Variants in C12orf42 observed in about 807,000 individuals in gnomAD.
C12orf42 encodes uncharacterized protein C12orf42.
C12orf42 carries 25 observed loss-of-function variants against 21.6 expected under a neutral mutation model. The observed-to-expected ratio is 1.16, with a 90% confidence interval of 0.84 to 1.62. The LOEUF is 1.62. Ranked by LOEUF, C12orf42 falls within the 40% of genes most tolerant of loss-of-function variation. The pLI, the probability that C12orf42 is intolerant of heterozygous loss-of-function variation, is 0.00. For synonymous variants in C12orf42, 174 were observed against 175.0 expected (o/e 0.99, Z 0.05); for missense variants, 483 against 459.3 (o/e 1.05, Z -0.47).
At chr12:103,225,476 C>T in the C12orf42 span, among the ~76,000 whole-genome samples, 3 of 151,992 alleles carry the variant, frequency 2.0e-5, no homozygotes, top group African/African-American at 7.3e-5. Context: ...GTAAGGGATG[C>T]ATGATCGGTC....
At chr12:103,326,833 G>T (rs2040760440) in intron 4 of C12orf42, among the ~76,000 whole-genome samples, 1 of 152,084 alleles carries the variant, frequency 6.6e-6, no homozygotes, top group Non-Finnish European at 1.5e-5. Flanking sequence ...ACTTAGCACT[G>T]CCTAAAATTA....
chr12:103,288,319 G>A (rs976085298), intron 4 of C12orf42, among the ~76,000 whole-genome samples: 2 of 152,112 alleles, frequency 1.3e-5, no homozygotes, highest in Non-Finnish European at 2.9e-5. Flanking sequence ...TTTTCATAAC[G>A]AGAATTCAGT....
the C12orf42 span, among the ~76,000 whole-genome samples, chr12:103,202,339 C>G: frequency 6.6e-6 from 1 of 152,180 alleles, no homozygotes; most frequent in African/African-American, 2.4e-5. Context: ...GACCCATTTA[C>G]TCAGGGAAAA....
chr12:103,257,501 A>C (rs1174001934), intron 10 of C12orf42, among the ~76,000 whole-genome samples: 3 of 151,918 alleles, frequency 2.0e-5, no homozygotes, highest in African/African-American at 7.2e-5. Flanking sequence ...AAAGTATACA[A>C]GACATGAAGA....
At chr12:103,463,910 T>A (rs149769689) in intron 2 of C12orf42, among the ~76,000 whole-genome samples, 62 of 152,342 alleles carry the variant, frequency 4.1e-4, no homozygotes, top group African/African-American at 1.3e-3. Context: ...AATCTCATCC[T>A]TTTTTGTGGC....
At chr12:103,501,709 C>T in the C12orf42 span, among the ~76,000 whole-genome samples, 81 of 152,270 alleles carry the variant, frequency 5.3e-4, no homozygotes, top group African/African-American at 1.9e-3. Flanking sequence ...TGACAATTTT[C>T]CTTTAGGAAG....
At chr12:103,074,864 T>C in the C12orf42 span, among the ~76,000 whole-genome samples, 2 of 152,200 alleles carry the variant, frequency 1.3e-5, no homozygotes, top group East Asian at 1.9e-4. Context: ...GGTGGGTGGA[T>C]TGCTTGAGCC....
chr12:103,444,642 T>G (rs1951464737), intron 2 of C12orf42, among the ~76,000 whole-genome samples: 1 of 152,080 alleles, frequency 6.6e-6, no homozygotes, highest in Non-Finnish European at 1.5e-5. Context: ...ATTCATTTGT[T>G]TCTGAAAGAT....
At chr12:103,156,463 A>G in the C12orf42 span, among the ~76,000 whole-genome samples, 1 of 152,056 alleles carries the variant, frequency 6.6e-6, no homozygotes, top group Non-Finnish European at 1.5e-5. Flanking sequence ...GTGTGTTTTA[A>G]TGTGCAATTA....
At chr12:103,540,995 C>T in the C12orf42 span, among the ~76,000 whole-genome samples, 3 of 152,036 alleles carry the variant, frequency 2.0e-5, no homozygotes, top group Non-Finnish European at 4.4e-5. Flanking sequence ...CCTCTGCCTC[C>T]CGGGTTCAAG....
chr12:103,412,768 T>C (rs150611526), intron 2 of C12orf42, among the ~76,000 whole-genome samples: 58 of 152,342 alleles, frequency 3.8e-4, no homozygotes, highest in African/African-American at 1.3e-3. Context: ...TGTCTTCTTT[T>C]AAGAAGTATT....
intron 2 of C12orf42, among the ~76,000 whole-genome samples, chr12:103,414,245 G>C (rs2374057): frequency 0.63 from 96,083 of 151,934 alleles, 31,173 homozygotes; most frequent in Admixed American, 0.73. Context: ...GTGATGTTGA[G>C]CATCTTTTCA....
At chr12:103,511,947 A>G in the C12orf42 span, among the ~76,000 whole-genome samples, 24,884 of 152,142 alleles carry the variant, frequency 0.16, 2,162 homozygotes, top group South Asian at 0.21. Flanking sequence ...CTACACTTTA[A>G]TTGACTAAAA....
At chr12:103,524,088 G>T in the C12orf42 span, among the ~76,000 whole-genome samples, 1 of 152,138 alleles carries the variant, frequency 6.6e-6, no homozygotes. Flanking sequence ...GCTTAAGTGG[G>T]TTTAAGGTGT....
intron 4 of C12orf42, among the ~76,000 whole-genome samples, chr12:103,367,336 G>C (rs1449722213): frequency 6.6e-6 from 1 of 151,568 alleles, no homozygotes; most frequent in Non-Finnish European, 1.5e-5. Flanking sequence ...TACAAATTGG[G>C]TTCAGTGTAT....
At chr12:103,449,410 T>C (rs986649835) in intron 2 of C12orf42, among the ~76,000 whole-genome samples, 1 of 97,320 alleles carries the variant, frequency 1.0e-5, no homozygotes, top group Non-Finnish European at 2.7e-5. Flanking sequence ...GTGTGATGGA[T>C]GCACCAAAAT....
intron 3 of C12orf42, chr12:103,396,756 G>T (rs1291739391): frequency 1.3e-5 from 2 of 152,274 alleles, no homozygotes; most frequent in African/African-American, 4.8e-5. Context: ...GACCTAGGAG[G>T]GAAGTGTGCT....
the C12orf42 span, among the ~76,000 whole-genome samples, chr12:103,513,140 A>G: frequency 1.3e-5 from 2 of 152,144 alleles, no homozygotes; most frequent in African/African-American, 2.4e-5. Context: ...TGTGGCTCCA[A>G]TGAGGCAGGT....
chr12:103,106,634 T>C, the C12orf42 span, among the ~76,000 whole-genome samples: 6 of 151,138 alleles, frequency 4.0e-5, no homozygotes, highest in African/African-American at 1.5e-4. Flanking sequence ...AGTAAAAGTA[T>C]GAAAATAATA....
Sources: allele counts gnomAD v4.1 joint callset (sites outside exome capture counted in the v4.1 genomes callset), GRCh38; gene constraint gnomAD v4.1.1; transcripts MANE v1.5; gene names NCBI Gene and HGNC (gene_info 2026-07-23, HGNC 2026-07-21).